The following NCAM1 variants were observed in gnomAD, a reference collection of about 807,000 sequenced individuals.
NCAM1 encodes the protein neural cell adhesion molecule 1.
In NCAM1, 14 loss-of-function variants were observed where a neutral mutation model predicts 109.8. That is an observed-to-expected ratio of 0.13 (90% confidence interval 0.08 to 0.20). NCAM1 has a LOEUF of 0.20. NCAM1 is among the 10% of genes least tolerant of loss of function. The pLI, the probability that NCAM1 is intolerant of heterozygous loss-of-function variation, is 1.00. For synonymous variants in NCAM1, 418 were observed against 442.9 expected (o/e 0.94, Z 0.70); for missense variants, 774 against 1,109.9 (o/e 0.70, Z 4.30).
At chr11:113,180,717 G>C (rs1368366076) in intron 1 of NCAM1, among the ~76,000 whole-genome samples, 1 of 152,226 alleles carries the variant, frequency 6.6e-6, no homozygotes, top group African/African-American at 2.4e-5. Context: ...TGCGTTATTG[G>C]GGATGGCATA....
At chr11:113,081,858 C>T (rs1938836437) in intron 1 of NCAM1, among the ~76,000 whole-genome samples, 1 of 152,180 alleles carries the variant, frequency 6.6e-6, no homozygotes, top group Non-Finnish European at 1.5e-5. Context: ...TAAAGAAAAT[C>T]TCATCTGGAT....
intron 1 of NCAM1, among the ~76,000 whole-genome samples, chr11:112,997,949 T>A (rs1951641156): frequency 6.6e-6 from 1 of 152,148 alleles, no homozygotes; most frequent in Non-Finnish European, 1.5e-5. Flanking sequence ...TCCAGTGGTT[T>A]GCCAGGAGGT....
At chr11:113,049,827 C>A (rs1953401668) in intron 1 of NCAM1, among the ~76,000 whole-genome samples, 1 of 152,296 alleles carries the variant, frequency 6.6e-6, no homozygotes, top group Admixed American at 6.5e-5. Flanking sequence ...TGTGTCTGTC[C>A]TATTGACAAA....
At chr11:113,263,813 C>A (rs1041700111) in intron 17 of NCAM1, 24 of 985,380 alleles carry the variant, frequency 2.4e-5, no homozygotes, top group Middle Eastern at 5.2e-4. Flanking sequence ...AGGCATTAGT[C>A]CCCTACCTGG....
chr11:113,141,172 G>C (rs1555100328), intron 1 of NCAM1, among the ~76,000 whole-genome samples: 1 of 152,164 alleles, frequency 6.6e-6, no homozygotes, highest in African/African-American at 2.4e-5. Context: ...CAACTAAAAG[G>C]CTGTGTGTGA....
At chr11:113,152,060 G>C (rs782525662) in intron 1 of NCAM1, among the ~76,000 whole-genome samples, 1 of 152,146 alleles carries the variant, frequency 6.6e-6, no homozygotes, top group Non-Finnish European at 1.5e-5. Flanking sequence ...TTTGCAGTGG[G>C]TTCCAGAAAA....
At chr11:113,042,228 T>C (rs1953104138) in intron 1 of NCAM1, among the ~76,000 whole-genome samples, 2 of 152,116 alleles carry the variant, frequency 1.3e-5, no homozygotes. Flanking sequence ...GTCCTTCCTT[T>C]CCTCACCACT....
At chr11:113,061,681 T>A (rs1308161255) in intron 1 of NCAM1, among the ~76,000 whole-genome samples, 1 of 152,216 alleles carries the variant, frequency 6.6e-6, no homozygotes, top group Non-Finnish European at 1.5e-5. Flanking sequence ...CCCGTATGTG[T>A]AAAACAAATG....
chr11:113,232,508 C>A (rs920560831), intron 11 of NCAM1, among the ~76,000 whole-genome samples, 154 bp downstream of exon 11: 2 of 152,164 alleles, frequency 1.3e-5, no homozygotes, highest in Non-Finnish European at 2.9e-5. Context: ...CTTTTCAGCT[C>A]CCCTTCGCCC....
chr11:113,263,189 A>G lies in NCAM1; in HGVS notation c.2131+2866A>G, dbSNP rs145088232. On this transcript the variant is annotated intron_variant, in intron 17 of 19. Coordinates refer to ENST00000316851, the MANE Select transcript of NCAM1 (RefSeq NM_181351.5). The stretch of plus-strand genomic sequence containing the variant: ...TTTGAGAGCTCTTTCTTTAAATGCT[A>G]TTTTTAAAAACCATCATGCTAGATT... 5.0e-5 allele frequency: 57 copies of G among 1,134,426 alleles called. No individual in the cohort carries two copies. In the African/African-American group the frequency reaches 6.7e-4, roughly 13 times the overall value. 70.3% of individuals were successfully genotyped at this position (1,134,426 alleles called of 1,614,324 possible).
chr11:113,083,413 CTATT>C (rs1938933425), intron 1 of NCAM1, among the ~76,000 whole-genome samples: 1 of 152,124 alleles, frequency 6.6e-6, no homozygotes, highest in Non-Finnish European at 1.5e-5. Context: ...GAGTATGACA[CTATT>C]TACAGGAAAA....
intron 1 of NCAM1, among the ~76,000 whole-genome samples, chr11:112,972,486 A>G (rs2134557531): frequency 6.6e-6 from 1 of 152,262 alleles, no homozygotes; most frequent in East Asian, 1.9e-4. Context: ...GAAAAGTATA[A>G]TAAAGTGAAG....
chr11:113,147,321 T>C (rs1942053824), intron 1 of NCAM1, among the ~76,000 whole-genome samples: 1 of 152,260 alleles, frequency 6.6e-6, no homozygotes, highest in Admixed American at 6.5e-5. Context: ...TCTGCTATTC[T>C]GAGCTCATTG....
At chr11:112,982,158 C>A in intron 1 of NCAM1, among the ~76,000 whole-genome samples, 1 of 151,974 alleles carries the variant, frequency 6.6e-6, no homozygotes, top group East Asian at 1.9e-4. Flanking sequence ...TAGTGCCTAG[C>A]AAAGGGTCTT....
chr11:113,023,879 T>G (rs1952464274), intron 1 of NCAM1, among the ~76,000 whole-genome samples: 1 of 152,074 alleles, frequency 6.6e-6, no homozygotes, highest in African/African-American at 2.4e-5. Context: ...CAATGAATGT[T>G]TAATGCATGG....
At chr11:113,166,638 G>A (rs1175452137) in intron 1 of NCAM1, among the ~76,000 whole-genome samples, 1 of 152,178 alleles carries the variant, frequency 6.6e-6, no homozygotes, top group African/African-American at 2.4e-5. Flanking sequence ...GCTGAGTGAT[G>A]ATAACAAATA....
At chr11:113,151,456 G>T (rs1373327339) in intron 1 of NCAM1, among the ~76,000 whole-genome samples, 1 of 152,172 alleles carries the variant, frequency 6.6e-6, no homozygotes, top group Non-Finnish European at 1.5e-5. Flanking sequence ...GGCTGAAAAT[G>T]ACTAGTCAAT....
chr11:113,205,688 A>G, intron 4 of NCAM1, 22 bp downstream of exon 4: 1 of 1,608,618 alleles, frequency 6.2e-7, no homozygotes. Flanking sequence ...ATTTCCTGGC[A>G]TCTGCCTTTT....
rs1018650304 is a variant in NCAM1, at chr11:113,269,998, T to C, written c.2132-190T>C. On this transcript the variant is annotated intron_variant, in intron 17 of 19. Coordinates refer to ENST00000316851, the MANE Select transcript of NCAM1 (RefSeq NM_181351.5). ...GAGATGATGTTGTCATCCCTCCCTC[T>C]GGAAGGTATAGAAAGACCCTGTTTT... is the stretch of plus-strand genomic sequence containing the variant. The C allele has an allele frequency of 1.1e-5, 7 of 611,764 alleles. No individual in the cohort carries two copies. The African/African-American group carries it at 1.3e-4, about 11-fold the overall frequency. 37.9% of individuals were successfully genotyped at this position (611,764 alleles called of 1,614,324 possible).
Sources: gnomAD v4.1 joint callset for allele counts (sites outside exome capture counted in the v4.1 genomes callset) on GRCh38, gnomAD v4.1.1 for gene constraint, MANE v1.5 for transcripts, NCBI Gene and HGNC (gene_info 2026-07-23, HGNC 2026-07-21) for gene names.